Variants in ZDHHC14 observed in about 807,000 individuals in gnomAD.
ZDHHC14 encodes palmitoyltransferase ZDHHC14.
A neutral mutation model predicts 47.7 loss-of-function variants in ZDHHC14; 16 were observed. That is an observed-to-expected ratio of 0.34 (90% CI 0.23 to 0.51). ZDHHC14 has a LOEUF of 0.51. ZDHHC14 is among the 20% of genes least tolerant of loss of function. The pLI is 0.97. For synonymous variants in ZDHHC14, 293 were observed against 278.9 expected, an observed-to-expected ratio of 1.05 and a Z score of -0.50; for missense variants, 515 against 662.5, an observed-to-expected ratio of 0.78 and a Z score of 2.44.
chr6:157,460,547 G>A (rs1296619442), intron 1 of ZDHHC14, among the ~76,000 whole-genome samples: 3 of 151,514 alleles, frequency 2.0e-5, no homozygotes, highest in Non-Finnish European at 2.9e-5. Flanking sequence ...GAAGAAGCTC[G>A]CTGCCTGAGT....
intron 1 of ZDHHC14, among the ~76,000 whole-genome samples, chr6:157,430,101 G>A (rs992951261): frequency 6.6e-6 from 1 of 152,096 alleles, no homozygotes; most frequent in African/African-American, 2.4e-5. Flanking sequence ...CAGATCACGA[G>A]GTCAAGAGAT....
intron 5 of ZDHHC14, among the ~76,000 whole-genome samples, chr6:157,633,918 G>C (rs1270308577): frequency 1.3e-5 from 2 of 152,212 alleles, no homozygotes; most frequent in Non-Finnish European, 2.9e-5. Context: ...CTCCCCAAGT[G>C]TTGGGATTAC....
chr6:157,440,257 AAT>A (rs1639204017), intron 1 of ZDHHC14, among the ~76,000 whole-genome samples: 1 of 152,126 alleles, frequency 6.6e-6, no homozygotes, highest in South Asian at 2.1e-4. Flanking sequence ...AAAAGGCTCA[AAT>A]AGACATTTCT....
chr6:157,492,752 C>T (rs1779958213), intron 1 of ZDHHC14, among the ~76,000 whole-genome samples: 1 of 152,022 alleles, frequency 6.6e-6, no homozygotes, highest in Admixed American at 6.5e-5. Flanking sequence ...GAGGGGAAGA[C>T]CAGGAGGTGA....
chr6:157,542,256 A>G (rs1456297945), intron 1 of ZDHHC14, among the ~76,000 whole-genome samples: 1 of 152,204 alleles, frequency 6.6e-6, no homozygotes, highest in Non-Finnish European at 1.5e-5. Flanking sequence ...TTTACAGCAC[A>G]GAGGACACGT....
intron 1 of ZDHHC14, among the ~76,000 whole-genome samples, chr6:157,453,463 A>G (rs1242401209): frequency 1.3e-5 from 2 of 152,120 alleles, no homozygotes; most frequent in East Asian, 1.9e-4. Context: ...CTTTAATTCT[A>G]TGGCCCATTT....
intron 1 of ZDHHC14, among the ~76,000 whole-genome samples, chr6:157,428,982 A>G (rs1181440707): frequency 6.6e-6 from 1 of 152,100 alleles, no homozygotes; most frequent in East Asian, 1.9e-4. Context: ...CCTTCAAGGG[A>G]TGATGAGCTT....
intron 1 of ZDHHC14, among the ~76,000 whole-genome samples, chr6:157,450,031 C>T (rs901658425): frequency 2.6e-5 from 4 of 152,088 alleles, no homozygotes; most frequent in East Asian, 1.9e-4. Flanking sequence ...TTACACATAA[C>T]GCACTTAGCA....
chr6:157,653,109 C>T (rs561405654), intron 7 of ZDHHC14, among the ~76,000 whole-genome samples: 1 of 152,264 alleles, frequency 6.6e-6, no homozygotes, highest in Admixed American at 6.5e-5. Flanking sequence ...CGGTCATTTC[C>T]CACACGCTAC....
intron 2 of ZDHHC14, among the ~76,000 whole-genome samples, chr6:157,581,921 G>A (rs1347578819): frequency 1.3e-5 from 2 of 151,752 alleles, no homozygotes; most frequent in Middle Eastern, 3.2e-3. Flanking sequence ...TTTTAAACAG[G>A]GTCTTGCACT....
At chr6:157,489,063 G>T (rs1779849780) in intron 1 of ZDHHC14, among the ~76,000 whole-genome samples, 2 of 152,212 alleles carry the variant, frequency 1.3e-5, no homozygotes, top group Admixed American at 6.5e-5. Context: ...CCAGTAAACG[G>T]GCTTCCATCA....
At chr6:157,659,627 G>A (rs1778255492) in intron 8 of ZDHHC14, among the ~76,000 whole-genome samples, 1 of 152,098 alleles carries the variant, frequency 6.6e-6, no homozygotes, top group South Asian at 2.1e-4. Context: ...CTGGCCGAAA[G>A]GGTCCCGAAG....
intron 1 of ZDHHC14, among the ~76,000 whole-genome samples, chr6:157,483,807 C>G (rs964772306): frequency 6.6e-6 from 1 of 152,094 alleles, no homozygotes; most frequent in Admixed American, 6.5e-5. Flanking sequence ...TTTTGGGGAA[C>G]TTTAAGATGC....
intron 1 of ZDHHC14, among the ~76,000 whole-genome samples, chr6:157,446,414 T>C (rs1433404874): frequency 6.6e-6 from 1 of 152,012 alleles, no homozygotes; most frequent in African/African-American, 2.4e-5. Flanking sequence ...TTTGTTTTGT[T>C]TTGTTTGTGT....
intron 1 of ZDHHC14, among the ~76,000 whole-genome samples, chr6:157,430,647 T>C (rs557192333): frequency 6.6e-6 from 1 of 152,340 alleles, no homozygotes; most frequent in African/African-American, 2.4e-5. Flanking sequence ...CTCCCTATTA[T>C]AATGTCAGCT....
At chr6:157,600,696 G>A (rs191352059) in intron 3 of ZDHHC14, among the ~76,000 whole-genome samples, 78 of 152,290 alleles carry the variant, frequency 5.1e-4, no homozygotes, top group African/African-American at 1.7e-3. Flanking sequence ...GTGAGCCACC[G>A]CACCTGGCCA....
intron 8 of ZDHHC14, 52 bp downstream of exon 8, chr6:157,653,679 C>T: frequency 6.4e-7 from 1 of 1,565,292 alleles, no homozygotes. Flanking sequence ...TGCTTGTGTG[C>T]TCACTAACAG....
In ZDHHC14 at chr6:157,655,344, A is replaced by T. The variant is rs554092827; in HGVS notation, c.1068+1717A>T. 6.6e-5 allele frequency among the ~76,000 whole-genome samples: 10 copies of T among 152,288 alleles called. No individual in the cohort carries two copies. In the East Asian group the frequency reaches 1.9e-3, roughly 29 times the overall value. ...CACCTTTTTTAAGTAGGAGAGATTG[A>T]TCATCCATCTACCCAAGGCCACACA... On this transcript the variant is annotated intron_variant, in intron 8 of 8. Coordinates refer to ENST00000359775, the MANE Select transcript of ZDHHC14 (RefSeq NM_024630.3).
Position 157,674,929 on chromosome 6 carries a change from C to T in ZDHHC14, c.*1807C>T, listed in dbSNP as rs557361272. ...TTCTGAACCACCTAACTACTTGTACCCACCTGCAATGTGTAATTCATGGGG... is the reference window on the plus strand; with the variant it reads ...TTCTGAACCACCTAACTACTTGTACTCACCTGCAATGTGTAATTCATGGGG... On this transcript the variant is annotated 3_prime_UTR_variant, in exon 9 of 9. Transcript: ENST00000359775. 2.6e-4 allele frequency: 40 copies of T among 152,288 alleles called. No homozygotes were observed. Among genetic ancestry groups the T allele is most frequent in the African/African-American group, 9.1e-4 (38 of 41,546 alleles). 9.4% of individuals were successfully genotyped at this position (152,288 alleles called of 1,614,324 possible). A position where few individuals can be genotyped will look rare whatever the true frequency, so the allele number is the denominator to read the frequency against.
Sources: gnomAD v4.1 joint callset for allele counts (sites outside exome capture counted in the v4.1 genomes callset) on GRCh38, gnomAD v4.1.1 for gene constraint, MANE v1.5 for transcripts, NCBI Gene and HGNC (gene_info 2026-07-23, HGNC 2026-07-21) for gene names.